GALNT13: variants seen among roughly 807,000 people sequenced by gnomAD.
GALNT13 encodes the protein polypeptide N-acetylgalactosaminyltransferase 13.
Under a neutral mutation model 64.2 loss-of-function variants are expected in GALNT13, and 28 were observed. The observed-to-expected ratio is 0.44, with a 90% confidence interval of 0.32 to 0.60. GALNT13 has a LOEUF of 0.60. Ranked by LOEUF, GALNT13 falls within the 20% of genes least tolerant of loss-of-function variation. The pLI, the probability that GALNT13 is intolerant of heterozygous loss-of-function variation, is 0.05. For missense variants in GALNT13, 577 were observed against 669.8 expected (o/e 0.86, Z 1.53); for synonymous variants, 214 against 224.6 (o/e 0.95, Z 0.42).
chr2:154,204,669 G>A (rs1232434469), intron 4 of GALNT13, among the ~76,000 whole-genome samples: 1 of 152,162 alleles, frequency 6.6e-6, no homozygotes, highest in African/African-American at 2.4e-5. Context: ...CCTGAGCAAT[G>A]TCTAAAGGCT....
chr2:154,361,435 C>G (rs979306913), intron 9 of GALNT13, among the ~76,000 whole-genome samples: 16 of 152,034 alleles, frequency 1.1e-4, no homozygotes, highest in African/African-American at 3.9e-4. Flanking sequence ...TTGGAGTGAT[C>G]TTATGACTTT....
At chr2:154,194,146 T>C (rs1686751043) in intron 4 of GALNT13, among the ~76,000 whole-genome samples, 1 of 152,202 alleles carries the variant, frequency 6.6e-6, no homozygotes, top group Non-Finnish European at 1.5e-5. Context: ...TGTGTTTTTT[T>C]TCTTTTAAAG....
chr2:154,035,812 T>G (rs1224347041), intron 3 of GALNT13, among the ~76,000 whole-genome samples: 1 of 151,998 alleles, frequency 6.6e-6, no homozygotes, highest in Non-Finnish European at 1.5e-5. Flanking sequence ...ATATGAATTT[T>G]GGGGTTGTAG....
At chr2:153,988,071 T>A (rs199953900) in intron 3 of GALNT13, among the ~76,000 whole-genome samples, 25 of 143,748 alleles carry the variant, frequency 1.7e-4, no homozygotes, top group Admixed American at 7.7e-4. Context: ...TATATATATA[T>A]ATACACACAC....
intron 4 of GALNT13, among the ~76,000 whole-genome samples, chr2:154,218,394 C>A (rs1688155842): frequency 6.6e-6 from 1 of 152,072 alleles, no homozygotes; most frequent in East Asian, 1.9e-4. Flanking sequence ...AAGAGGCAAA[C>A]AAACCTACAT....
chr2:153,467,160 C>T, the GALNT13 span, among the ~76,000 whole-genome samples: 31,994 of 151,744 alleles, frequency 0.21, 3,566 homozygotes, highest in Non-Finnish European at 0.24. Context: ...CATTAGAGAC[C>T]TTTATAATTA....
At chr2:153,920,733 TCGAA>T (rs1689699127) in intron 2 of GALNT13, among the ~76,000 whole-genome samples, 1 of 152,056 alleles carries the variant, frequency 6.6e-6, no homozygotes, top group South Asian at 2.1e-4. Context: ...AAGCTATGCA[TCGAA>T]CAAAGGTCAA....
At chr2:154,308,728 G>A (rs16836453) in intron 9 of GALNT13, among the ~76,000 whole-genome samples, 7,706 of 152,050 alleles carry the variant, frequency 0.051, 616 homozygotes, top group African/African-American at 0.17. Flanking sequence ...TATCAATGAG[G>A]GATTGTGGTA....
chr2:153,076,384 G>A, the GALNT13 span, among the ~76,000 whole-genome samples: 1 of 152,006 alleles, frequency 6.6e-6, no homozygotes, highest in Non-Finnish European at 1.5e-5. Context: ...AGTTTTAAAT[G>A]TATTTTCCCA....
rs112093528 is a variant in GALNT13 at position 153,912,764 on chromosome 2, G to T, written c.-105+11757G>T. On this transcript the variant is annotated intron_variant, in intron 2 of 12. Coordinates refer to ENST00000392825, the MANE Select transcript of GALNT13 (RefSeq NM_052917.4). ...TGGCTTTGTTTTCTGGCCCCTCATG[G>T]TTAGGAACCTGTTGCACAGGATAGG... Among the ~76,000 whole-genome samples, 628 of 152,264 alleles carry T rather than the reference G, an allele frequency of 4.1e-3. 5 individuals carry two copies. The highest frequency in any genetic ancestry group is 0.014 in the African/African-American group (599 of 41,556).
At chr2:153,197,612 C>A in the GALNT13 span, among the ~76,000 whole-genome samples, 1 of 152,220 alleles carries the variant, frequency 6.6e-6, no homozygotes, top group African/African-American at 2.4e-5. Context: ...CTGTCATAAG[C>A]ACAGTGGACC....
chr2:154,091,038 A>G (rs1701779061), intron 3 of GALNT13, among the ~76,000 whole-genome samples: 1 of 151,914 alleles, frequency 6.6e-6, no homozygotes, highest in African/African-American at 2.4e-5. Flanking sequence ...AAAATGGCCT[A>G]AATTATCTTA....
chr2:154,048,149 G>C (rs566315273), intron 3 of GALNT13, among the ~76,000 whole-genome samples: 3 of 152,244 alleles, frequency 2.0e-5, no homozygotes, highest in Admixed American at 2.0e-4. Context: ...GGAAGAGAGA[G>C]ATTGGAGAGT....
chr2:153,523,670 G>A, the GALNT13 span, among the ~76,000 whole-genome samples: 1 of 152,238 alleles, frequency 6.6e-6, no homozygotes, highest in African/African-American at 2.4e-5. Context: ...CTTGTATCTG[G>A]CAATCATGCT....
chr2:153,446,488 G>A, the GALNT13 span, among the ~76,000 whole-genome samples: 7 of 152,048 alleles, frequency 4.6e-5, no homozygotes, highest in Admixed American at 1.3e-4. Flanking sequence ...AACCCATGTC[G>A]GTCTAACTGT....
At chr2:153,152,651 A>G in the GALNT13 span, among the ~76,000 whole-genome samples, 1 of 152,102 alleles carries the variant, frequency 6.6e-6, no homozygotes, top group Non-Finnish European at 1.5e-5. Context: ...AAGTGAGGAC[A>G]TGTAGTATTA....
At chr2:153,548,297 T>C in the GALNT13 span, among the ~76,000 whole-genome samples, 2 of 152,102 alleles carry the variant, frequency 1.3e-5, no homozygotes, top group African/African-American at 4.8e-5. Context: ...TAAAACACCA[T>C]GCTTTGACAA....
intron 9 of GALNT13, among the ~76,000 whole-genome samples, chr2:154,307,851 A>G (rs542085125): frequency 2.6e-5 from 4 of 152,202 alleles, no homozygotes; most frequent in African/African-American, 9.6e-5. Flanking sequence ...ACATTATAAA[A>G]AGCAACATTT....
At chr2:153,402,253 G>A in the GALNT13 span, among the ~76,000 whole-genome samples, 1 of 151,518 alleles carries the variant, frequency 6.6e-6, no homozygotes, top group Non-Finnish European at 1.5e-5. Flanking sequence ...TTGAATATTG[G>A]CCCCCACTCT....
Sources: allele counts gnomAD v4.1 joint callset (sites outside exome capture counted in the v4.1 genomes callset), GRCh38; gene constraint gnomAD v4.1.1; transcripts MANE v1.5; gene names NCBI Gene and HGNC (gene_info 2026-07-23, HGNC 2026-07-21).